The following ITGA7 variants were observed in gnomAD, a reference collection of about 807,000 sequenced individuals.
ITGA7 encodes the protein integrin subunit alpha 7, also known as integrin alpha-7.
In ITGA7, 84 loss-of-function variants were observed where a neutral mutation model predicts 131.6. The ratio of observed to expected loss-of-function variants is 0.64; its 90% confidence interval spans 0.54 to 0.77. ITGA7 has a LOEUF of 0.77. Ranked by LOEUF, ITGA7 falls within the 30% of genes least tolerant of loss-of-function variation. The pLI, the probability that ITGA7 is intolerant of heterozygous loss-of-function variation, is 0.00. For missense variants in ITGA7, 1,399 were observed against 1,482.9 expected (o/e 0.94, Z 0.93); for synonymous variants, 548 against 600.7 (o/e 0.91, Z 1.28).
At chr12:55,688,438 G>A (rs747341169) in intron 22 of ITGA7, 138 bp from the exon 23 acceptor site, 43 of 767,236 alleles carry the variant, frequency 5.6e-5, no homozygotes, top group Non-Finnish European at 8.2e-5. Context: ...AGTATGCTGC[G>A]TTTGGGCTGG....
intron 21 of ITGA7, among the ~76,000 whole-genome samples, chr12:55,689,256 C>G (rs1392773663): frequency 6.6e-6 from 1 of 152,204 alleles, no homozygotes; most frequent in Non-Finnish European, 1.5e-5. Flanking sequence ...ACTTGTCAGG[C>G]ACTTATCTCA....
At position 55,695,015 on chromosome 12, in the gene ITGA7, C is replaced by G. The variant is rs1386189475; in HGVS notation, c.2004-45G>C. 8 of 1,576,738 alleles carry G rather than the reference C, an allele frequency of 5.1e-6. No individual in the cohort carries two copies. In the East Asian group the frequency reaches 6.8e-5, roughly 13 times the overall value. The stretch of plus-strand genomic sequence containing the variant: ...TCCTGCTAAGTTCTGAACACCTCCC[C>G]CTACCATTCCCCCGCCCAGTCTGCT... On this transcript the variant is annotated intron_variant, in intron 14 of 24. Coordinates refer to ENST00000257879, the MANE Select transcript of ITGA7 (RefSeq NM_002206.3).
chr12:55,685,235 A>C lies in ITGA7; in HGVS notation c.3237T>G (p.His1079Gln), dbSNP rs756477823. The change falls in exon 25 of 25, where the codon CAT (histidine) becomes CAG (glutamine). Residue 1079 changes from histidine (H) to glutamine (Q), a missense_variant. Transcript: ENST00000257879. ...GGTCTTCCCGAGGAATCTTCACCGC[A>C]TGGTACTGGGGCACGGTGGCCTCGG... ...KHPEATVPQY[H>Q]AVKIPREDRQ... 6.2e-7 allele frequency: 1 copy of C among 1,614,154 alleles called. No individual in the cohort carries two copies. Among genetic ancestry groups the C allele is most frequent in the Non-Finnish European group, 8.5e-7 (1 of 1,180,020 alleles).
chr12:55,696,630 C>T (rs1253225638), intron 12 of ITGA7, among the ~76,000 whole-genome samples, 198 bp from the exon 13 acceptor site: 2 of 152,004 alleles, frequency 1.3e-5, no homozygotes, highest in Non-Finnish European at 2.9e-5. Flanking sequence ...GCTTTGAGGA[C>T]CAGATGTGAT....
At chr12:55,701,541 A>C in intron 3 of ITGA7, 1 of 873,940 alleles carries the variant, frequency 1.1e-6, no homozygotes, top group Non-Finnish European at 1.9e-6. Flanking sequence ...TCACCATCTC[A>C]TCTGCAAAGA....
chr12:55,697,378 C>T lies in ITGA7; in HGVS notation c.1505+73G>A, dbSNP rs995072411. ...ATCCTGTCACAGCCCCAGCCCCAAA[C>T]TGGGGAGATAAAGGATCAAAGGGAG... On this transcript the variant is annotated intron_variant, in intron 10 of 24. Coordinates refer to ENST00000257879, the MANE Select transcript of ITGA7 (RefSeq NM_002206.3). 37 of 1,587,536 alleles carry T rather than the reference C, an allele frequency of 2.3e-5. No individual in the cohort carries two copies. In the Admixed American group the frequency reaches 3.5e-4, roughly 15 times the overall value.
At chr12:55,693,888 T>C (rs530754835) in intron 19 of ITGA7, 133 bp downstream of exon 19, 4 of 741,306 alleles carry the variant, frequency 5.4e-6, no homozygotes, top group Admixed American at 4.1e-5. Flanking sequence ...CCAAGGTCCA[T>C]ATGCAGGACA....
chr12:55,688,248 A>G lies in ITGA7; in HGVS notation c.3011T>C (p.Val1004Ala). The G allele has an allele frequency of 1.2e-6, 2 of 1,614,180 alleles. No homozygotes were observed. The highest frequency in any genetic ancestry group is 1.7e-6 in the Non-Finnish European group (2 of 1,180,018). ...LEVIVRANIT[V>A]KSSIKNLMLR... ...CATCAAGTTCTTTATGGAGGACTTC[A>G]CTGTGATGTTGGCCCGGACAATCAC... The change falls in exon 23 of 25, where the codon GTG (valine) becomes GCG (alanine). Residue 1004 changes from valine to alanine, a missense_variant. Val to Ala is a moderately conservative substitution (Grantham distance 64, BLOSUM62 0). Transcript: ENST00000257879.
At chr12:55,686,063 C>T in intron 24 of ITGA7, 1 of 408,864 alleles carries the variant, frequency 2.4e-6, no homozygotes, top group Admixed American at 3.3e-5. Flanking sequence ...TTCTAATTAC[C>T]TCTCACCTCA....
In ITGA7 at chr12:55,694,281, T is replaced by C. The variant is rs751222847; in HGVS notation, c.2407A>G (p.Ile803Val). ...HPVSARARVFIELPLSIAGMA... is the reference protein window; with the variant it reads ...HPVSARARVFVELPLSIAGMA... ...CCTGCAATGGACAGTGGCAGCTCAA[T>C]GAAGACACGGGCTCGTGCAGAGACT... Residue 803 changes from isoleucine (I) to valine (V), a missense_variant, in exon 18 of 25, where the codon ATT (isoleucine) becomes GTT (valine). Transcript: ENST00000257879. This position sits in a 1 kb window ranked among gnomAD's most constrained non-coding sequence, Gnocchi z 5.3. 1 of 1,613,960 alleles carries C rather than the reference T, an allele frequency of 6.2e-7. No individual in the cohort carries two copies. Among genetic ancestry groups the C allele is most frequent in the African/African-American group, 1.3e-5 (1 of 74,954 alleles).
At chr12:55,708,866 G>T (rs1875748709), upstream of ITGA7, among the ~76,000 whole-genome samples, 1 of 152,208 alleles carries the variant, frequency 6.6e-6, no homozygotes, top group Non-Finnish European at 1.5e-5. Context: ...TCTCCACAGG[G>T]ACCCATTGGC....
upstream of ITGA7, among the ~76,000 whole-genome samples, chr12:55,711,100 A>G (rs956307849): frequency 2.0e-5 from 3 of 152,234 alleles, no homozygotes; most frequent in African/African-American, 7.2e-5. Context: ...ATTTTATGCT[A>G]CAGTTACATA....
chr12:55,688,795 G>A, intron 22 of ITGA7, 49 bp downstream of exon 22: 1 of 1,373,634 alleles, frequency 7.3e-7, no homozygotes, highest in Non-Finnish European at 1.0e-6. Context: ...GTCCTGGAGG[G>A]GCTTTGGAGG....
chr12:55,690,617 A>C, intron 21 of ITGA7, among the ~76,000 whole-genome samples: 1 of 148,084 alleles, frequency 6.8e-6, no homozygotes, highest in African/African-American at 2.5e-5. Context: ...CCATCCCATT[A>C]CTGGGTATAT....
At chr12:55,709,131 T>A (rs1047108987), upstream of ITGA7, among the ~76,000 whole-genome samples, 1 of 152,198 alleles carries the variant, frequency 6.6e-6, no homozygotes, top group African/African-American at 2.4e-5. Context: ...TTTTGTCTCA[T>A]CCCAAATTCT....
At chr12:55,701,394 T>G in intron 3 of ITGA7, 1 of 1,551,878 alleles carries the variant, frequency 6.4e-7, no homozygotes, top group Non-Finnish European at 8.7e-7. Context: ...TGCCCTCAAA[T>G]GGAGATCTCC....
At chr12:55,707,429 C>A (rs1406675362) in intron 1 of ITGA7, 48 bp downstream of exon 1, 3 of 1,469,750 alleles carry the variant, frequency 2.0e-6, no homozygotes, top group Non-Finnish European at 2.9e-6. Context: ...GGGAGGGGGA[C>A]GATCTGTGGC....
upstream of ITGA7, chr12:55,715,905 C>A: frequency 2.0e-6 from 2 of 1,023,160 alleles, no homozygotes; most frequent in South Asian, 1.8e-5. Flanking sequence ...GAAAATACTT[C>A]TTCCAACACT....
At position 55,694,884 on chromosome 12, in the gene ITGA7, TCCGATGGCAGGTTGGTGA is replaced by T; in HGVS notation, c.2072_2089del (p.Val691_Ser696del). 1.2e-6 allele frequency: 2 copies of T among 1,613,512 alleles called. No individual in the cohort carries two copies. The highest frequency in any genetic ancestry group is 1.7e-6 in the Non-Finnish European group (2 of 1,179,914). ...CCCATCAGCCTGGGGCTGGGCTGGGTCCGATGGCAGGTTGGTGACCATCAGCTCCAGGCCAATGACTGG... is the reference window on the plus strand; with the variant it reads ...CCCATCAGCCTGGGGCTGGGCTGGGTCCATCAGCTCCAGGCCAATGACTGG... On this transcript the variant is annotated inframe_deletion, in exon 15 of 25. Coordinates refer to ENST00000257879, the MANE Select transcript of ITGA7 (RefSeq NM_002206.3). The surrounding 1 kb of genome is among the most constrained non-coding windows in gnomAD (Gnocchi z 5.3).
Sources: gnomAD v4.1 joint callset for allele counts (sites outside exome capture counted in the v4.1 genomes callset) on GRCh38, gnomAD v4.1.1 for gene constraint, Gnocchi (gnomAD v3.1) non-coding constraint, MANE v1.5 for transcripts, NCBI Gene and HGNC (gene_info 2026-07-23, HGNC 2026-07-21) for gene names.